The following MYH9 variants were observed in gnomAD, a reference collection of about 807,000 sequenced individuals.
MYH9 encodes the protein myosin heavy chain 9, also known as myosin-9.
In MYH9, 29 loss-of-function variants were observed where a neutral mutation model predicts 241.9. The observed-to-expected ratio is 0.12, with a 90% CI of 0.09 to 0.16. The LOEUF is 0.16. Ranked by LOEUF, MYH9 falls within the 10% of genes least tolerant of loss-of-function variation. MYH9 has a pLI of 1.00. For synonymous variants in MYH9, 1,047 were observed against 1,062.6 expected (o/e 0.99, Z 0.29); for missense variants, 1,803 against 2,595.5 (o/e 0.69, Z 6.63).
rs2016869193 is a variant in MYH9, at chr22:36,301,057, G to T, written c.2632C>A (p.Leu878Ile). ...LTEMETLQSQ[L>I]MAEKLQLQEQ... The stretch of plus-strand genomic sequence containing the variant: ...TGCAGCTGCAATTTCTCTGCCATGA[G>T]CTGCAAACAACAAGTGGAAAACACA... The change falls in exon 22 of 41, where the codon CTC becomes ATC. Residue 878 changes from leucine (L) to isoleucine (I), a missense_variant and splice_region_variant. This residue lies in a region of MYH9 where 290 missense variants were observed against 360.5 expected (regional missense o/e 0.80). Transcript: ENST00000216181. 6.2e-7 allele frequency: 1 copy of T among 1,609,032 alleles called. No homozygotes were observed.
chr22:36,357,120 C>T (rs2017868563), intron 1 of MYH9, among the ~76,000 whole-genome samples: 1 of 152,206 alleles, frequency 6.6e-6, no homozygotes, highest in South Asian at 2.1e-4. Context: ...ACCACGTCAA[C>T]AACCGGCTCC....
rs768664061 is a variant in MYH9, at chr22:36,296,966, C to T, written c.3149G>A (p.Arg1050His). The change falls in exon 25 of 41, where the codon CGC (arginine) becomes CAC (histidine). Residue 1050 changes from arginine (R) to histidine (H), a missense_variant. By Grantham distance (29) the Arg-to-His change is conservative. Around this residue, in one of 11 missense-constraint regions of MYH9, gnomAD observed 290 missense variants for 360.5 expected, o/e 0.80. Transcript: ENST00000216181. ...EKQRQELEKT[R>H]RKLEGDSTDL... ...TGTGGAGTCTCCCTCCAGCTTCCGGCGGGTCTTCTCCAGCTCCTGTCGCTG... is the reference window on the plus strand; with the variant it reads ...TGTGGAGTCTCCCTCCAGCTTCCGGTGGGTCTTCTCCAGCTCCTGTCGCTG... The T allele has an allele frequency of 1.2e-6, 2 of 1,614,142 alleles. No homozygotes were observed. The highest frequency in any genetic ancestry group is 1.1e-5 in the South Asian group (1 of 91,090).
chr22:36,348,836 G>GACC, intron 2 of MYH9, 68 bp downstream of exon 2: 1 of 859,340 alleles, frequency 1.2e-6, no homozygotes, highest in South Asian at 1.5e-5. Context: ...GTGATGGGAA[G>GACC]ACCCGCCCCC....
intron 1 of MYH9, among the ~76,000 whole-genome samples, chr22:36,377,605 C>T (rs917041390): frequency 2.0e-5 from 3 of 152,118 alleles, no homozygotes; most frequent in East Asian, 1.9e-4. Context: ...TGGATAAATA[C>T]GAAATCTCTA....
At chr22:36,286,156 T>C in intron 35 of MYH9, 1 of 627,354 alleles carries the variant, frequency 1.6e-6, no homozygotes, top group East Asian at 2.7e-5. Flanking sequence ...AACTCTTACA[T>C]TTAAGTGCTA....
chr22:36,367,090 G>T (rs1490887572), intron 1 of MYH9, among the ~76,000 whole-genome samples: 3 of 152,172 alleles, frequency 2.0e-5, no homozygotes, highest in Non-Finnish European at 4.4e-5. Context: ...ACTTTTAGGA[G>T]TCCCCTGGTC....
chr22:36,293,788 C>T lies in MYH9; in HGVS notation c.3913G>A (p.Ala1305Thr), dbSNP rs372780340. The part of the protein sequence containing the change: ...KSSKLTKDFS[A>T]LESQLQDTQE... The stretch of plus-strand genomic sequence containing the variant: ...GTGTCCTGCAGCTGGGACTCCAGCG[C>T]GGAGAAGTCCTTGGTGAGCTTGCTG... The change falls in exon 29 of 41, where the codon GCG becomes ACG. Residue 1305 changes from alanine to threonine, a missense_variant. Coordinates refer to ENST00000216181, the MANE Select transcript of MYH9 (RefSeq NM_002473.6). This position sits in a 1 kb window ranked among gnomAD's most constrained non-coding sequence, Gnocchi z 5.1. The T allele has an allele frequency of 1.4e-5, 22 of 1,613,694 alleles. No individual in the cohort carries two copies. The highest frequency in any genetic ancestry group is 4.5e-5 in the East Asian group (2 of 44,866).
intron 1 of MYH9, among the ~76,000 whole-genome samples, chr22:36,359,386 G>A (rs1318495962): frequency 1.3e-5 from 2 of 152,254 alleles, no homozygotes; most frequent in African/African-American, 4.8e-5. Flanking sequence ...GGCTGTGGCT[G>A]TGCAAAGAGG....
intron 12 of MYH9, among the ~76,000 whole-genome samples, chr22:36,314,819 T>C (rs1276504802): frequency 6.6e-6 from 1 of 152,054 alleles, no homozygotes; most frequent in Non-Finnish European, 1.5e-5. Context: ...TGGCTAATAT[T>C]GGTATTTTTT....
intron 1 of MYH9, among the ~76,000 whole-genome samples, chr22:36,359,080 C>A (rs2017898004): frequency 6.6e-6 from 1 of 152,334 alleles, no homozygotes; most frequent in Admixed American, 6.5e-5. Context: ...GATCAAAGCT[C>A]AAACGCTCCC....
chr22:36,351,326 G>A (rs924290205), intron 1 of MYH9, among the ~76,000 whole-genome samples: 1 of 152,198 alleles, frequency 6.6e-6, no homozygotes, highest in Admixed American at 6.5e-5. Flanking sequence ...TGGGGGCCAG[G>A]GGGCACATCC....
chr22:36,284,732 C>T (rs1031345298), intron 38 of MYH9, among the ~76,000 whole-genome samples: 1 of 152,210 alleles, frequency 6.6e-6, no homozygotes, highest in Admixed American at 6.5e-5. Flanking sequence ...GGAAGCGACA[C>T]ACCTCAAAGA....
chr22:36,298,303 G>A (rs765549666), intron 24 of MYH9, among the ~76,000 whole-genome samples: 2 of 152,040 alleles, frequency 1.3e-5, no homozygotes, highest in East Asian at 1.9e-4. Context: ...AGACAGCCAC[G>A]GACCTGTGCT....
rs1414615638 is a variant in MYH9 at position 36,325,018 on chromosome 22, G to C, written c.612+1550C>G. 8.1e-6 allele frequency: 6 copies of C among 739,596 alleles called. No homozygotes were observed. The East Asian group carries it at 1.5e-4, about 19-fold the overall frequency. 45.8% of individuals were successfully genotyped at this position (739,596 alleles called of 1,614,324 possible). ...CCTCCCAAGAACCAGTCACATACTA[G>C]GCAGTCAATAAATACTTGGGAAATG... is the stretch of plus-strand genomic sequence containing the variant. On this transcript the variant is annotated intron_variant, in intron 5 of 40. Transcript: ENST00000216181.
chr22:36,352,672 T>C (rs1272185122), intron 1 of MYH9, among the ~76,000 whole-genome samples: 1 of 152,144 alleles, frequency 6.6e-6, no homozygotes, highest in Non-Finnish European at 1.5e-5. Flanking sequence ...AGGCCAGTGG[T>C]GTCCACTTGA....
intron 5 of MYH9, among the ~76,000 whole-genome samples, chr22:36,325,402 C>T (rs1040802706): frequency 6.6e-5 from 10 of 152,176 alleles, no homozygotes; most frequent in Admixed American, 6.5e-5. Context: ...GCACACGGCA[C>T]GCCAGTAAGG....
intron 2 of MYH9, among the ~76,000 whole-genome samples, chr22:36,347,801 CA>C (rs36028454): frequency 0.04 from 1,870 of 47,042 alleles, 44 homozygotes; most frequent in African/African-American, 0.12. Context: ...GACCCTGTCT[CA>C]AAAAAAAAAA....
chr22:36,305,909 G>A lies in MYH9; in HGVS notation c.2159+21C>T, dbSNP rs758560893. 50 of 1,612,364 alleles carry A rather than the reference G, an allele frequency of 3.1e-5. No homozygotes were observed. The highest frequency in any genetic ancestry group is 2.0e-4 in the Admixed American group (12 of 59,986). On this transcript the variant is annotated intron_variant, in intron 17 of 40. Transcript: ENST00000216181. This position sits in a 1 kb window ranked among gnomAD's most constrained non-coding sequence, Gnocchi z 4.7. ...ACGCACAGCAGGGCCCAGGAGAAGCGGGCTCCGGGCCCTGGCTCACCTCTG... is the reference window on the plus strand; with the variant it reads ...ACGCACAGCAGGGCCCAGGAGAAGCAGGCTCCGGGCCCTGGCTCACCTCTG...
chr22:36,303,128 G>A (rs1016289072), intron 19 of MYH9, among the ~76,000 whole-genome samples: 1 of 152,112 alleles, frequency 6.6e-6, no homozygotes, highest in Non-Finnish European at 1.5e-5. Flanking sequence ...GGCTGCAGGT[G>A]TCAGCTGGAG....
Sources: allele counts gnomAD v4.1 joint callset (sites outside exome capture counted in the v4.1 genomes callset), GRCh38; gene constraint gnomAD v4.1.1; regional missense constraint gnomAD v4.1.1; non-coding constraint Gnocchi (gnomAD v3.1); transcripts MANE v1.5; gene names NCBI Gene and HGNC (gene_info 2026-07-23, HGNC 2026-07-21).